The following CFAP95 variants were observed in gnomAD, a reference collection of about 807,000 sequenced individuals.
CFAP95 encodes the protein cilia- and flagella-associated protein 95.
At chr9:69,822,474 T>A in the CFAP95 span, among the ~76,000 whole-genome samples, 1 of 152,326 alleles carries the variant, frequency 6.6e-6, no homozygotes, top group African/African-American at 2.4e-5. Flanking sequence ...AAAACTACAC[T>A]GGGAAACAGA....
At chr9:69,872,480 C>T in the CFAP95 span, among the ~76,000 whole-genome samples, 1 of 152,144 alleles carries the variant, frequency 6.6e-6, no homozygotes, top group Non-Finnish European at 1.5e-5. Context: ...TTTCTCAAGG[C>T]TCCATGACTG....
the CFAP95 span, chr9:69,857,826 C>A: frequency 8.2e-7 from 1 of 1,217,430 alleles, no homozygotes; most frequent in Non-Finnish European, 1.2e-6. Flanking sequence ...CTGCGCCCAG[C>A]CCCTAAATTA....
the CFAP95 span, among the ~76,000 whole-genome samples, chr9:69,841,192 A>ATATATATATATATG: frequency 1.6e-5 from 2 of 124,440 alleles, no homozygotes; most frequent in African/African-American, 5.7e-5. Flanking sequence ...ATATATATAT[A>ATATATATATATATG]TATATTTCTG....
the CFAP95 span, among the ~76,000 whole-genome samples, chr9:69,895,154 T>A: frequency 6.6e-6 from 1 of 152,204 alleles, no homozygotes; most frequent in Non-Finnish European, 1.5e-5. Flanking sequence ...ATCAGTTAAC[T>A]TTTAGTAAAG....
At chr9:69,844,501 C>A in the CFAP95 span, 1 of 1,551,960 alleles carries the variant, frequency 6.4e-7, no homozygotes, top group South Asian at 1.2e-5. Context: ...TAACGGACTC[C>A]TAATTTTTTC....
the CFAP95 span, among the ~76,000 whole-genome samples, chr9:69,879,618 G>C: frequency 6.6e-6 from 1 of 152,166 alleles, no homozygotes; most frequent in Admixed American, 6.5e-5. Context: ...TTATCAAAGG[G>C]TGAACTTTAG....
At chr9:69,833,619 C>T in the CFAP95 span, among the ~76,000 whole-genome samples, 1 of 152,178 alleles carries the variant, frequency 6.6e-6, no homozygotes. Flanking sequence ...TCTGTGCAAT[C>T]TTGTCGATCT....
At chr9:69,884,971 A>G in the CFAP95 span, 1 of 152,202 alleles carries the variant, frequency 6.6e-6, no homozygotes, top group African/African-American at 2.4e-5. Flanking sequence ...TTGCTGAGAT[A>G]TGTATTGCTG....
At chr9:69,879,709 A>G in the CFAP95 span, among the ~76,000 whole-genome samples, 1 of 152,170 alleles carries the variant, frequency 6.6e-6, no homozygotes, top group Non-Finnish European at 1.5e-5. Flanking sequence ...CAGAGAAGAA[A>G]GTTTGTAAGG....
At chr9:69,894,687 G>A in the CFAP95 span, among the ~76,000 whole-genome samples, 41 of 152,160 alleles carry the variant, frequency 2.7e-4, no homozygotes, top group Admixed American at 6.5e-4. Context: ...GATTCCAAGT[G>A]CCATATTTGT....
chr9:69,895,357 C>CTG, the CFAP95 span, among the ~76,000 whole-genome samples: 1 of 122,656 alleles, frequency 8.2e-6, no homozygotes, highest in African/African-American at 3.3e-5. Context: ...CTCTCTCTCT[C>CTG]TCTCTCTCTC....
At chr9:69,884,722 GC>G in the CFAP95 span, 6 of 151,696 alleles carry the variant, frequency 4.0e-5, no homozygotes, top group Non-Finnish European at 7.4e-5. Context: ...TCACGGATAG[GC>G]TTAACCCCTT....
chr9:69,874,641 G>A, the CFAP95 span, among the ~76,000 whole-genome samples: 4 of 152,108 alleles, frequency 2.6e-5, no homozygotes, highest in African/African-American at 4.8e-5. Context: ...ATTCCCTCCC[G>A]CTGAGGACCA....
At chr9:69,839,462 G>T in the CFAP95 span, among the ~76,000 whole-genome samples, 1 of 152,014 alleles carries the variant, frequency 6.6e-6, no homozygotes, top group African/African-American at 2.4e-5. Flanking sequence ...GTCTCACTTC[G>T]TCACCCAGGC....
At chr9:69,877,990 G>A in the CFAP95 span, among the ~76,000 whole-genome samples, 1 of 152,298 alleles carries the variant, frequency 6.6e-6, no homozygotes, top group Admixed American at 6.5e-5. Flanking sequence ...TGGACTAGCA[G>A]CAATCATAGA....
the CFAP95 span, among the ~76,000 whole-genome samples, chr9:69,901,475 A>G: frequency 1.0e-3 from 159 of 152,238 alleles, no homozygotes; most frequent in African/African-American, 3.7e-3. Flanking sequence ...TTTGCTCGGA[A>G]TGATGGTTTC....
At chr9:69,858,726 C>A in the CFAP95 span, among the ~76,000 whole-genome samples, 1 of 152,154 alleles carries the variant, frequency 6.6e-6, no homozygotes, top group Non-Finnish European at 1.5e-5. Flanking sequence ...CCACTAAGAT[C>A]AATGGTTCAA....
chr9:69,842,700 G>A, the CFAP95 span, among the ~76,000 whole-genome samples: 3 of 152,192 alleles, frequency 2.0e-5, no homozygotes, highest in Admixed American at 2.0e-4. Flanking sequence ...GCTGGGACCT[G>A]GTTGAGCTTG....
chr9:69,830,854 C>A, the CFAP95 span, among the ~76,000 whole-genome samples: 3 of 152,032 alleles, frequency 2.0e-5, no homozygotes, highest in African/African-American at 7.2e-5. Flanking sequence ...AGTTGACAGT[C>A]TTCCTCTAAT....
Sources: gnomAD v4.1 joint callset for allele counts (sites outside exome capture counted in the v4.1 genomes callset) on GRCh38, gnomAD v4.1.1 for gene constraint, MANE v1.5 for transcripts, NCBI Gene and HGNC (gene_info 2026-07-23, HGNC 2026-07-21) for gene names.